The following TBC1D1 variants were observed in gnomAD, a reference collection of about 807,000 sequenced individuals.
The protein encoded by TBC1D1 is TBC1 domain family member 1, also known as TBC1 (tre-2/USP6, BUB2, cdc16) domain family, member 1.
In TBC1D1, 89 loss-of-function variants were observed where a neutral mutation model predicts 125.6. The observed-to-expected ratio is 0.71, with a 90% CI of 0.60 to 0.85. The LOEUF is 0.85. TBC1D1 is among the 40% of genes least tolerant of loss of function. The pLI is 0.00. For synonymous variants in TBC1D1, 565 were observed against 564.1 expected (o/e 1.00, Z -0.02); for missense variants, 1,377 against 1,469.2 (o/e 0.94, Z 1.03).
intron 6 of TBC1D1, among the ~76,000 whole-genome samples, chr4:38,026,420 C>T (rs1294696433): frequency 2.0e-5 from 3 of 152,202 alleles, no homozygotes; most frequent in African/African-American, 4.8e-5. Flanking sequence ...CTTCTCTGGG[C>T]ATCAGCAAAT....
intron 4 of TBC1D1, among the ~76,000 whole-genome samples, chr4:38,018,975 C>A (rs1453466791): frequency 6.6e-6 from 1 of 151,864 alleles, no homozygotes; most frequent in Non-Finnish European, 1.5e-5. Context: ...TTTTTAGGTA[C>A]CAATTGTCAG....
At chr4:37,911,663 T>C (rs1433079566) in intron 2 of TBC1D1, among the ~76,000 whole-genome samples, 1 of 152,216 alleles carries the variant, frequency 6.6e-6, no homozygotes, top group African/African-American at 2.4e-5. Context: ...TTGGTGTTCA[T>C]TCATTTATTG....
chr4:38,060,386 T>C (rs1383958233), intron 12 of TBC1D1, among the ~76,000 whole-genome samples: 1 of 152,248 alleles, frequency 6.6e-6, no homozygotes, highest in African/African-American at 2.4e-5. Context: ...CACCAGCATC[T>C]GTTGTTTCTT....
At chr4:37,960,377 A>G in intron 2 of TBC1D1, 2 of 1,432,574 alleles carry the variant, frequency 1.4e-6, no homozygotes, top group Admixed American at 2.1e-5. Context: ...CTATCTAAAT[A>G]TAAAGTGGGA....
chr4:37,937,238 G>A (rs1312237566), intron 2 of TBC1D1, among the ~76,000 whole-genome samples: 1 of 152,176 alleles, frequency 6.6e-6, no homozygotes, highest in Non-Finnish European at 1.5e-5. Context: ...TCTGAACCAA[G>A]GTGGGTTGCT....
At chr4:37,961,114 A>G in intron 2 of TBC1D1, 1 of 1,468,800 alleles carries the variant, frequency 6.8e-7, no homozygotes, top group Non-Finnish European at 9.4e-7. Flanking sequence ...AACATAATAA[A>G]TACATAAATA....
At chr4:38,047,834 A>G (rs1017147851) in intron 10 of TBC1D1, among the ~76,000 whole-genome samples, 5 of 152,158 alleles carry the variant, frequency 3.3e-5, no homozygotes, top group East Asian at 1.9e-4. Flanking sequence ...ATGGAAGTGA[A>G]CAGAGAAGAA....
chr4:37,936,393 G>C lies in TBC1D1; in HGVS notation c.417+33881G>C, dbSNP rs199869916. ...CACAAAAAGTGAAACCATGGATAAG[G>C]GGGGGTTACCGCAACATAAATGTCT... is the stretch of plus-strand genomic sequence containing the variant. On this transcript the variant is annotated intron_variant, in intron 2 of 19. Coordinates refer to ENST00000261439, the MANE Select transcript of TBC1D1 (RefSeq NM_015173.4). Among the ~76,000 whole-genome samples, 16 of 152,316 alleles carry C rather than the reference G, an allele frequency of 1.1e-4. No homozygotes were observed. The East Asian group carries it at 2.5e-3, about 24-fold the overall frequency.
chr4:38,062,115 ACTC>A (rs963505256), intron 12 of TBC1D1, among the ~76,000 whole-genome samples: 6 of 151,506 alleles, frequency 4.0e-5, no homozygotes, highest in Non-Finnish European at 7.4e-5. Context: ...TTCTTTTTAG[ACTC>A]CTCAGGATTC....
At chr4:38,041,329 G>A (rs563284801) in intron 8 of TBC1D1, among the ~76,000 whole-genome samples, 60 of 152,274 alleles carry the variant, frequency 3.9e-4, no homozygotes, top group Admixed American at 1.2e-3. Flanking sequence ...TGACAATACC[G>A]TATAAAGGTG....
intron 12 of TBC1D1, among the ~76,000 whole-genome samples, chr4:38,070,264 T>C (rs1754474511): frequency 6.6e-6 from 1 of 152,254 alleles, no homozygotes; most frequent in South Asian, 2.1e-4. Flanking sequence ...ATCCCTCTGC[T>C]AGGATCAACA....
chr4:38,115,615 T>G (rs1762856952), intron 15 of TBC1D1, 95 bp from the exon 18 acceptor site: 1 of 1,347,238 alleles, frequency 7.4e-7, no homozygotes, highest in African/African-American at 1.5e-5. Flanking sequence ...CTTCTAAAGA[T>G]TTTGCTGCTT....
intron 15 of TBC1D1, among the ~76,000 whole-genome samples, chr4:38,113,403 G>T (rs753002209): frequency 6.6e-6 from 1 of 152,244 alleles, no homozygotes; most frequent in Non-Finnish European, 1.5e-5. Flanking sequence ...TCTACAAGCG[G>T]TGTCAATTAG....
chr4:38,015,117 T>G (rs1742418557), intron 3 of TBC1D1, 144 bp downstream of exon 3: 1 of 741,948 alleles, frequency 1.3e-6, no homozygotes, highest in Non-Finnish European at 2.1e-6. Context: ...AATTCTATTC[T>G]TAGGATAAGC....
intron 12 of TBC1D1, among the ~76,000 whole-genome samples, chr4:38,075,449 G>A (rs984192337): frequency 3.9e-5 from 6 of 152,166 alleles, no homozygotes; most frequent in Admixed American, 3.3e-4. Flanking sequence ...GTGAGGCTGG[G>A]GTTTTCCAGG....
intron 2 of TBC1D1, among the ~76,000 whole-genome samples, chr4:37,943,061 T>C (rs951174422): frequency 1.3e-5 from 2 of 152,234 alleles, no homozygotes; most frequent in Non-Finnish European, 2.9e-5. Flanking sequence ...CATTTGCTTG[T>C]CTGTAAAGGA....
chr4:38,083,159 G>A (rs140259005), intron 12 of TBC1D1, among the ~76,000 whole-genome samples: 1 of 152,194 alleles, frequency 6.6e-6, no homozygotes, highest in Non-Finnish European at 1.5e-5. Flanking sequence ...CCACTAGGCT[G>A]TGCACTCCCT....
chr4:38,005,361 G>C (rs940168631), intron 2 of TBC1D1, among the ~76,000 whole-genome samples: 1 of 152,236 alleles, frequency 6.6e-6, no homozygotes, highest in Non-Finnish European at 1.5e-5. Context: ...GGTGCTGGCT[G>C]TCTGGGGCTA....
At chr4:38,028,535 A>G (rs1435045145) in intron 7 of TBC1D1, among the ~76,000 whole-genome samples, 6 of 152,232 alleles carry the variant, frequency 3.9e-5, no homozygotes, top group East Asian at 1.9e-4. Flanking sequence ...CCTGGGCCAC[A>G]TGTTGGACAT....
Sources: gnomAD v4.1 joint callset for allele counts (sites outside exome capture counted in the v4.1 genomes callset) on GRCh38, gnomAD v4.1.1 for gene constraint, MANE v1.5 for transcripts, NCBI Gene and HGNC (gene_info 2026-07-23, HGNC 2026-07-21) for gene names.